The following IRAK2 variants were observed in gnomAD, a reference collection of about 807,000 sequenced individuals.
The protein encoded by IRAK2 is interleukin-1 receptor-associated kinase-like 2.
Under a neutral mutation model 72.0 loss-of-function variants are expected in IRAK2, and 57 were observed. The ratio of observed to expected loss-of-function variants is 0.79; its 90% CI spans 0.64 to 0.99. The LOEUF (loss-of-function observed/expected upper bound fraction) is 0.99. Among genes scored for constraint, IRAK2 ranks in the 50% least tolerant of loss-of-function variants. IRAK2 has a pLI of 0.00. For synonymous variants in IRAK2, 293 were observed against 312.7 expected, an observed-to-expected ratio of 0.94 and a Z score of 0.67; for missense variants, 790 against 794.4, an observed-to-expected ratio of 0.99 and a Z score of 0.07.
At chr3:10,225,565 G>A (rs932097524) in intron 9 of IRAK2, among the ~76,000 whole-genome samples, 13 of 152,174 alleles carry the variant, frequency 8.5e-5, no homozygotes, top group African/African-American at 2.9e-4. Flanking sequence ...AATAATGTTA[G>A]TAAAGGCCTG....
At chr3:10,188,190 A>G (rs1697108720) in intron 2 of IRAK2, among the ~76,000 whole-genome samples, 1 of 152,176 alleles carries the variant, frequency 6.6e-6, no homozygotes, top group Non-Finnish European at 1.5e-5. Flanking sequence ...GAGCCTGTAG[A>G]TGGTGGGGAG....
rs1205989694 is a variant in IRAK2, at chr3:10,164,977, T to A, written c.23T>A (p.Leu8Gln). Residue 8 changes from leucine to glutamine, a missense_variant, in exon 1 of 13, where the codon CTG becomes CAG. Transcript: ENST00000256458. MACYIYQ[L>Q]PSWVLDDLCR... ...GCCATGGCCTGCTACATCTACCAGC[T>A]GCCCTCCTGGGTGCTGGACGACCTG... is the stretch of plus-strand genomic sequence containing the variant. 6.2e-7 allele frequency: 1 copy of A among 1,611,138 alleles called. No individual in the cohort carries two copies. Among genetic ancestry groups the A allele is most frequent in the East Asian group, 2.2e-5 (1 of 44,792 alleles).
chr3:10,226,886 C>T (rs984817740), intron 10 of IRAK2, among the ~76,000 whole-genome samples: 1 of 145,770 alleles, frequency 6.9e-6, no homozygotes, highest in Non-Finnish European at 1.5e-5. Flanking sequence ...GCAGAGGTTG[C>T]AGTGAACCAA....
intron 1 of IRAK2, among the ~76,000 whole-genome samples, chr3:10,169,449 C>T (rs979373128): frequency 2.6e-5 from 4 of 152,042 alleles, no homozygotes; most frequent in Non-Finnish European, 4.4e-5. Context: ...CCCGGGAATG[C>T]GTTCCTTCCC....
chr3:10,173,177 A>T (rs1373352830), intron 1 of IRAK2, among the ~76,000 whole-genome samples: 1 of 151,942 alleles, frequency 6.6e-6, no homozygotes, highest in Non-Finnish European at 1.5e-5. Flanking sequence ...GCTCAGGGGG[A>T]GATGAACACC....
In IRAK2 at chr3:10,217,423, T is replaced by C. The variant is rs11465904; in HGVS notation, c.903+375T>C. Among the ~76,000 whole-genome samples the C allele has an allele frequency of 8.1e-3, 1,241 of 152,326 alleles. 8 individuals carry two copies. Among genetic ancestry groups the C allele is most frequent in the Non-Finnish European group, 0.011 (750 of 68,034 alleles). On this transcript the variant is annotated intron_variant, in intron 7 of 12. Coordinates refer to ENST00000256458, the MANE Select transcript of IRAK2 (RefSeq NM_001570.4). Reference sequence around the variant, plus strand: ...GACAAAGGTATCTCATAGAACTAACTTCGTTCGTCATGGTTCTGGAGGTGT... The same window carrying C: ...GACAAAGGTATCTCATAGAACTAACCTCGTTCGTCATGGTTCTGGAGGTGT...
At chr3:10,228,122 A>G (rs1246293024) in intron 10 of IRAK2, among the ~76,000 whole-genome samples, 2 of 152,134 alleles carry the variant, frequency 1.3e-5, no homozygotes, top group Non-Finnish European at 2.9e-5. Context: ...ATTGAACCCA[A>G]GGCTTTTGCA....
Position 10,213,383 on chromosome 3 carries a change from C to T in IRAK2, c.705C>T (p.Val235=). 6.2e-7 allele frequency: 1 copy of T among 1,614,014 alleles called. No individual in the cohort carries two copies. The highest frequency in any genetic ancestry group is 1.1e-5 in the South Asian group (1 of 91,066). The change falls in exon 5 of 13, where the codon GTC becomes GTT. Residue 235 remains valine, a synonymous_variant. Transcript: ENST00000256458. ...GGCACAGGCACGGGAAGCCATTCGT[C>T]TTCAAGAAGCTCAGAGAGGTGAGCA... ...YRGHRHGKPF[V]FKKLRETACS... is the part of the protein sequence containing the mutation.
At chr3:10,195,089 A>G (rs767770973) in intron 2 of IRAK2, among the ~76,000 whole-genome samples, 4 of 152,240 alleles carry the variant, frequency 2.6e-5, no homozygotes, top group Non-Finnish European at 5.9e-5. Context: ...GGAACAAGAA[A>G]AAGAAAGAGA....
At chr3:10,211,786 T>C (rs1446756994) in intron 4 of IRAK2, among the ~76,000 whole-genome samples, 1 of 151,974 alleles carries the variant, frequency 6.6e-6, no homozygotes, top group African/African-American at 2.4e-5. Flanking sequence ...CTTAAAAAAA[T>C]TGAAATTTAG....
intron 1 of IRAK2, among the ~76,000 whole-genome samples, chr3:10,168,948 G>T (rs763314670): frequency 2.6e-5 from 4 of 152,168 alleles, no homozygotes; most frequent in South Asian, 2.1e-4. Flanking sequence ...GAACCAGCCC[G>T]CAGTATTTCA....
intron 4 of IRAK2, among the ~76,000 whole-genome samples, 179 bp downstream of exon 4, chr3:10,209,871 G>C (rs2125154523): frequency 6.6e-6 from 1 of 152,236 alleles, no homozygotes; most frequent in East Asian, 1.9e-4. Context: ...TAATAGCGGG[G>C]AGAGGGAGGG....
chr3:10,166,116 T>A (rs1696685236), intron 1 of IRAK2, among the ~76,000 whole-genome samples: 1 of 152,158 alleles, frequency 6.6e-6, no homozygotes, highest in Non-Finnish European at 1.5e-5. Context: ...CCCAGCCTAT[T>A]TATCATATTT....
intron 11 of IRAK2, among the ~76,000 whole-genome samples, chr3:10,235,778 C>T (rs1484204433): frequency 6.6e-6 from 1 of 152,154 alleles, no homozygotes; most frequent in South Asian, 2.1e-4. Context: ...GGGCCACAGA[C>T]GAGAAGATGA....
intron 7 of IRAK2, 57 bp downstream of exon 7, chr3:10,217,105 C>A: frequency 1.5e-6 from 2 of 1,302,592 alleles, no homozygotes; most frequent in South Asian, 1.2e-5. Context: ...GCCATGGGGT[C>A]AAGGGTTAAG....
chr3:10,231,397 T>A (rs865794587), intron 10 of IRAK2, among the ~76,000 whole-genome samples: 1 of 152,124 alleles, frequency 6.6e-6, no homozygotes, highest in African/African-American at 2.4e-5. Flanking sequence ...GTTCAAGCAA[T>A]TCTCCTGCCT....
intron 10 of IRAK2, among the ~76,000 whole-genome samples, chr3:10,228,197 C>T (rs1302893933): frequency 6.6e-6 from 1 of 152,056 alleles, no homozygotes; most frequent in African/African-American, 2.4e-5. Context: ...CCTTTTCCTA[C>T]TGGGTATTGA....
chr3:10,206,800 C>T (rs1371668881), intron 3 of IRAK2, among the ~76,000 whole-genome samples: 1 of 151,934 alleles, frequency 6.6e-6, no homozygotes, highest in Admixed American at 6.6e-5. Context: ...AGGTGATCCA[C>T]CTGCCTCAGC....
intron 10 of IRAK2, among the ~76,000 whole-genome samples, chr3:10,233,736 A>G (rs1697904308): frequency 1.3e-5 from 2 of 152,328 alleles, no homozygotes; most frequent in South Asian, 4.1e-4. Flanking sequence ...AATGGTAGCT[A>G]TTATTACTAT....
Sources: gnomAD v4.1 joint callset for allele counts (sites outside exome capture counted in the v4.1 genomes callset) on GRCh38, gnomAD v4.1.1 for gene constraint, MANE v1.5 for transcripts, NCBI Gene and HGNC (gene_info 2026-07-23, HGNC 2026-07-21) for gene names.